The following ABTB3 variants were observed in gnomAD, a reference collection of about 807,000 sequenced individuals.
ABTB3 encodes ankyrin repeat- and BTB/POZ domain-containing protein 3.
the ABTB3 span, among the ~76,000 whole-genome samples, chr12:107,469,948 CTTT>C: frequency 4.7e-5 from 2 of 42,824 alleles, no homozygotes; most frequent in Non-Finnish European, 8.4e-5. Context: ...CTTTCTCTTT[CTTT>C]CTTTCTTTCT....
chr12:107,333,669 C>T, the ABTB3 span, among the ~76,000 whole-genome samples: 1 of 152,192 alleles, frequency 6.6e-6, no homozygotes, highest in Non-Finnish European at 1.5e-5. Context: ...TGTTCAATAG[C>T]TATTTATCGA....
At chr12:107,479,798 C>CT in the ABTB3 span, among the ~76,000 whole-genome samples, 2 of 152,108 alleles carry the variant, frequency 1.3e-5, no homozygotes, top group Non-Finnish European at 2.9e-5. Context: ...TAGTTTGGCT[C>CT]AATTCCTGAC....
At chr12:107,575,462 A>G in the ABTB3 span, among the ~76,000 whole-genome samples, 1 of 152,162 alleles carries the variant, frequency 6.6e-6, no homozygotes, top group Non-Finnish European at 1.5e-5. Flanking sequence ...GACTGCTGTA[A>G]AAAATTACCA....
At chr12:107,320,281 T>TGTCCCAGGTCCGGGAGCGCGAGGTTCC in the ABTB3 span, among the ~76,000 whole-genome samples, 1 of 152,204 alleles carries the variant, frequency 6.6e-6, no homozygotes, top group Non-Finnish European at 1.5e-5. Flanking sequence ...CTGCTGGTGC[T>TGTCCCAGGTCCGGGAGCGCGAGGTTCC]GTCCCAGGTC....
At chr12:107,545,294 G>A in the ABTB3 span, among the ~76,000 whole-genome samples, 1 of 151,960 alleles carries the variant, frequency 6.6e-6, no homozygotes, top group Admixed American at 6.6e-5. Context: ...GCTAGGTAGA[G>A]TGCAGTGGCA....
chr12:107,627,785 T>C, the ABTB3 span, among the ~76,000 whole-genome samples: 1 of 152,178 alleles, frequency 6.6e-6, no homozygotes, highest in Non-Finnish European at 1.5e-5. Flanking sequence ...TATCAGAATC[T>C]TTTCCAGACC....
chr12:107,496,952 A>G, the ABTB3 span, among the ~76,000 whole-genome samples: 5 of 152,054 alleles, frequency 3.3e-5, no homozygotes, highest in South Asian at 8.3e-4. Context: ...ATTCTGTTCC[A>G]CTTACCCTCT....
At chr12:107,428,597 A>T in the ABTB3 span, among the ~76,000 whole-genome samples, 1 of 152,316 alleles carries the variant, frequency 6.6e-6, no homozygotes, top group African/African-American at 2.4e-5. Context: ...CAATACTGAT[A>T]GTGGTAACCT....
the ABTB3 span, among the ~76,000 whole-genome samples, chr12:107,524,030 A>G: frequency 4.6e-5 from 7 of 152,166 alleles, no homozygotes; most frequent in African/African-American, 1.7e-4. Context: ...CGAAGAAAGG[A>G]TTTGCTAAAC....
At chr12:107,404,228 A>G in the ABTB3 span, among the ~76,000 whole-genome samples, 1 of 151,682 alleles carries the variant, frequency 6.6e-6, no homozygotes, top group Non-Finnish European at 1.5e-5. Context: ...AACAAAGGAG[A>G]CCCAGTGAAA....
At chr12:107,585,302 G>T in the ABTB3 span, among the ~76,000 whole-genome samples, 2 of 152,180 alleles carry the variant, frequency 1.3e-5, no homozygotes, top group African/African-American at 4.8e-5. Flanking sequence ...TCTGTAGTGT[G>T]AACCAGATTT....
chr12:107,577,613 T>C, the ABTB3 span, among the ~76,000 whole-genome samples: 2 of 152,120 alleles, frequency 1.3e-5, no homozygotes, highest in Non-Finnish European at 2.9e-5. Context: ...GCTTTCTCTT[T>C]CCTTCCAGAG....
chr12:107,491,991 G>A, the ABTB3 span, among the ~76,000 whole-genome samples: 1 of 73,434 alleles, frequency 1.4e-5, no homozygotes, highest in Non-Finnish European at 2.7e-5. Context: ...GAAACCTCTA[G>A]TCCATCTCCC....
chr12:107,424,161 A>G, the ABTB3 span, among the ~76,000 whole-genome samples: 2 of 152,122 alleles, frequency 1.3e-5, no homozygotes, highest in Admixed American at 6.6e-5. Flanking sequence ...CAAATAAAAA[A>G]CCAGTTCAGA....
the ABTB3 span, among the ~76,000 whole-genome samples, chr12:107,529,102 T>C: frequency 6.6e-6 from 1 of 150,476 alleles, no homozygotes; most frequent in Admixed American, 6.6e-5. Flanking sequence ...GTGATGATGA[T>C]GGTGACGGTG....
the ABTB3 span, among the ~76,000 whole-genome samples, chr12:107,403,240 AG>A: frequency 6.6e-6 from 1 of 152,226 alleles, no homozygotes; most frequent in African/African-American, 2.4e-5. Context: ...GTAAGGGCAG[AG>A]AAATGTTCAT....
the ABTB3 span, among the ~76,000 whole-genome samples, chr12:107,556,095 ATT>A: frequency 1.6e-4 from 23 of 139,472 alleles, no homozygotes; most frequent in Admixed American, 2.2e-4. Context: ...GTCAGCATCA[ATT>A]TTTTTTTTTT....
chr12:107,537,155 G>A, the ABTB3 span, among the ~76,000 whole-genome samples: 36 of 149,346 alleles, frequency 2.4e-4, no homozygotes, highest in African/African-American at 8.2e-4. Flanking sequence ...GATCTTCTTT[G>A]TATATGGAAT....
chr12:107,629,708 T>C, the ABTB3 span, among the ~76,000 whole-genome samples: 28 of 149,478 alleles, frequency 1.9e-4, no homozygotes, highest in African/African-American at 6.6e-4. Flanking sequence ...TGCAGCCTGT[T>C]ATCCCTTTGG....
Sources: allele counts gnomAD v4.1 joint callset (sites outside exome capture counted in the v4.1 genomes callset), GRCh38; gene constraint gnomAD v4.1.1; transcripts MANE v1.5; gene names NCBI Gene and HGNC (gene_info 2026-07-23, HGNC 2026-07-21).